ADGRL3: variants seen among roughly 807,000 people sequenced by gnomAD.
ADGRL3 encodes adhesion G protein-coupled receptor L3.
Under a neutral mutation model 153.5 loss-of-function variants are expected in ADGRL3, and 62 were observed. The observed-to-expected ratio is 0.40, with a 90% CI of 0.33 to 0.50. The LOEUF (loss-of-function observed/expected upper bound fraction) is 0.50, where lower values mean the gene tolerates loss of function less well. Ranked by LOEUF, ADGRL3 falls within the 20% of genes least tolerant of loss-of-function variation. ADGRL3 has a pLI of 0.47. For synonymous variants in ADGRL3, 710 were observed against 672.5 expected (o/e 1.06, Z -0.86); for missense variants, 1,641 against 1,859.4 (o/e 0.88, Z 2.16).
intron 8 of ADGRL3, among the ~76,000 whole-genome samples, chr4:61,742,633 C>T (rs867225926): frequency 2.6e-5 from 4 of 152,014 alleles, no homozygotes; most frequent in Non-Finnish European, 5.9e-5. Context: ...GCTTGACAGG[C>T]AATAGTATGA....
At chr4:61,278,151 G>A (rs1484940489) in intron 1 of ADGRL3, among the ~76,000 whole-genome samples, 1 of 151,710 alleles carries the variant, frequency 6.6e-6, no homozygotes, top group African/African-American at 2.4e-5. Context: ...TTTTTTTTAA[G>A]AAAAAACCTA....
chr4:61,352,720 A>C (rs1159407693), intron 1 of ADGRL3, among the ~76,000 whole-genome samples: 1 of 152,162 alleles, frequency 6.6e-6, no homozygotes, highest in Admixed American at 6.5e-5. Context: ...GAAATCAAAA[A>C]AATTTTGTGA....
intron 9 of ADGRL3, among the ~76,000 whole-genome samples, chr4:61,885,655 C>A (rs531534383): frequency 4.6e-5 from 7 of 152,108 alleles, no homozygotes; most frequent in Non-Finnish European, 8.8e-5. Flanking sequence ...TTTCCAAATC[C>A]ATTAAAATTT....
intron 6 of ADGRL3, among the ~76,000 whole-genome samples, chr4:61,683,191 C>T (rs2095373341): frequency 6.6e-6 from 1 of 151,174 alleles, no homozygotes; most frequent in South Asian, 2.1e-4. Flanking sequence ...CTGCTCACTG[C>T]AGCCTGGACC....
chr4:61,497,854 T>C (rs568349466), intron 3 of ADGRL3, among the ~76,000 whole-genome samples: 7 of 151,906 alleles, frequency 4.6e-5, no homozygotes, highest in Admixed American at 2.6e-4. Context: ...GAAATAGTTA[T>C]GAGTTTCCAG....
rs369146925 is a variant in ADGRL3 at position 62,039,839 on chromosome 4, C to T, written c.3717+1983C>T. Among the ~76,000 whole-genome samples, 23 of 152,166 alleles carry T rather than the reference C, an allele frequency of 1.5e-4. No individual in the cohort carries two copies. The East Asian group carries it at 3.7e-3, about 24-fold the overall frequency. On this transcript the variant is annotated intron_variant, in intron 24 of 26. Transcript: ENST00000683033. ...TATATCATCCAGCATGATTAGATCC[C>T]GCATGCTTTTCACATTACTGAGTTC...
At chr4:61,296,321 C>G (rs1487764744) in intron 1 of ADGRL3, among the ~76,000 whole-genome samples, 1 of 138,122 alleles carries the variant, frequency 7.2e-6, no homozygotes, top group Non-Finnish European at 1.6e-5. Flanking sequence ...GGCTGAGTGA[C>G]TCTTTACTCA....
rs775659716 is a variant in ADGRL3 at position 61,998,275 on chromosome 4, T to G, written c.3395+10T>G. ...GTCTTGATAACATCAAGTAAGTGATTTTTATTTTTGTTTTCTATAGGTTGT... is the reference window on the plus strand; with the variant it reads ...GTCTTGATAACATCAAGTAAGTGATGTTTATTTTTGTTTTCTATAGGTTGT... On this transcript the variant is annotated intron_variant, in intron 21 of 26. Coordinates refer to ENST00000683033, the MANE Select transcript of ADGRL3 (RefSeq NM_001387552.1). 22 of 1,475,256 alleles carry G rather than the reference T, an allele frequency of 1.5e-5. No individual in the cohort carries two copies. Among genetic ancestry groups the G allele is most frequent in the Non-Finnish European group, 2.0e-5 (22 of 1,087,254 alleles). The allele number at this position is 1,475,256 out of a possible 1,614,324, so 91.4% of individuals were successfully genotyped here.
Position 62,075,318 on chromosome 4 carries a change from C to T in ADGRL3, c.*4410C>T, listed in dbSNP as rs1356021970. On this transcript the variant is annotated 3_prime_UTR_variant, in exon 27 of 27. Coordinates refer to ENST00000683033, the MANE Select transcript of ADGRL3 (RefSeq NM_001387552.1). The stretch of plus-strand genomic sequence containing the variant: ...CTGCTGTCTCAGCCTTCTGCGTAGC[C>T]ATGATCACAGGTTTGAGCCACAGCA... The T allele has an allele frequency of 6.6e-6, 1 of 152,018 alleles. No individual in the cohort carries two copies. The highest frequency in any genetic ancestry group is 1.9e-4 in the East Asian group (1 of 5,172). 9.4% of individuals were successfully genotyped at this position (152,018 alleles called of 1,614,324 possible). A position where few individuals can be genotyped will look rare whatever the true frequency, so the allele number is the denominator to read the frequency against.
intron 1 of ADGRL3, among the ~76,000 whole-genome samples, chr4:61,329,689 T>C (rs1261548801): frequency 1.3e-5 from 2 of 148,504 alleles, no homozygotes; most frequent in Non-Finnish European, 3.0e-5. Flanking sequence ...GACCATTTTA[T>C]AAGAAAAAAA....
intron 1 of ADGRL3, among the ~76,000 whole-genome samples, chr4:61,263,770 G>A (rs1203657460): frequency 6.6e-6 from 1 of 151,978 alleles, no homozygotes; most frequent in Non-Finnish European, 1.5e-5. Context: ...GGAGATATAA[G>A]TATTGAAACA....
At chr4:61,409,091 C>T (rs576422163) in intron 2 of ADGRL3, among the ~76,000 whole-genome samples, 10 of 150,272 alleles carry the variant, frequency 6.7e-5, no homozygotes, top group South Asian at 2.1e-4. Context: ...CATTAACTTG[C>T]TTTTCAAGTT....
intron 5 of ADGRL3, among the ~76,000 whole-genome samples, chr4:61,642,977 A>G (rs960721349): frequency 1.2e-4 from 19 of 152,206 alleles, no homozygotes; most frequent in African/African-American, 4.3e-4. Context: ...GCAGTGCTTT[A>G]TAGTTCTCCT....
chr4:62,056,140 C>A (rs1560562503), intron 25 of ADGRL3, among the ~76,000 whole-genome samples: 1 of 151,422 alleles, frequency 6.6e-6, no homozygotes, highest in Non-Finnish European at 1.5e-5. Context: ...ATTATAAATA[C>A]CTCAGCCTGT....
At chr4:61,420,401 CTTTTTTTTTTT>C (rs36093010) in intron 2 of ADGRL3, 1 of 82,550 alleles carries the variant, frequency 1.2e-5, no homozygotes, top group Admixed American at 1.7e-4. Context: ...CAAAGGAAAG[CTTTTTTTTTTT>C]TTTTTTTTTT....
At chr4:61,258,413 A>G (rs536196494) in intron 1 of ADGRL3, among the ~76,000 whole-genome samples, 4 of 152,200 alleles carry the variant, frequency 2.6e-5, no homozygotes, top group South Asian at 2.1e-4. Flanking sequence ...CCTTAGGGCC[A>G]GGAGTCCTGG....
chr4:61,801,208 C>G (rs1278057107), intron 8 of ADGRL3, among the ~76,000 whole-genome samples: 2 of 151,978 alleles, frequency 1.3e-5, no homozygotes, highest in African/African-American at 4.8e-5. Context: ...CTTGGTAAAG[C>G]CATCTTGATA....
At chr4:61,685,270 A>G (rs1046705532) in intron 6 of ADGRL3, among the ~76,000 whole-genome samples, 4 of 152,098 alleles carry the variant, frequency 2.6e-5, no homozygotes, top group Non-Finnish European at 4.4e-5. Context: ...TACAGCAGCA[A>G]TAATTCTATC....
intron 5 of ADGRL3, among the ~76,000 whole-genome samples, chr4:61,673,186 G>A (rs1182073770): frequency 5.9e-5 from 9 of 151,892 alleles, no homozygotes; most frequent in Non-Finnish European, 1.3e-4. Context: ...TATGGAGATA[G>A]GAGAAATGGG....
Sources: gnomAD v4.1 joint callset for allele counts (sites outside exome capture counted in the v4.1 genomes callset) on GRCh38, gnomAD v4.1.1 for gene constraint, MANE v1.5 for transcripts, NCBI Gene and HGNC (gene_info 2026-07-23, HGNC 2026-07-21) for gene names.